Variants in LDB2 observed in about 807,000 individuals in gnomAD.
LDB2 encodes the protein LIM domain binding 2, also known as LIM domain-binding protein 2.
Under a neutral mutation model 44.3 loss-of-function variants are expected in LDB2, and 12 were observed. The ratio of observed to expected loss-of-function variants is 0.27; its 90% confidence interval spans 0.17 to 0.44. The LOEUF (loss-of-function observed/expected upper bound fraction) is 0.44. Among genes scored for constraint, LDB2 ranks in the 20% least tolerant of loss-of-function variants. The pLI is 1.00. For missense variants in LDB2, 344 were observed against 473.5 expected (o/e 0.73, Z 2.54); for synonymous variants, 164 against 174.8 (o/e 0.94, Z 0.49).
intron 1 of LDB2, among the ~76,000 whole-genome samples, chr4:16,845,033 T>C (rs1786682417): frequency 6.6e-6 from 1 of 152,200 alleles, no homozygotes; most frequent in Non-Finnish European, 1.5e-5. Flanking sequence ...CTCTGGCTCT[T>C]TAAGAGTCAA....
chr4:16,555,903 C>T (rs965307121), intron 5 of LDB2, among the ~76,000 whole-genome samples: 7 of 152,346 alleles, frequency 4.6e-5, no homozygotes, highest in Non-Finnish European at 8.8e-5. Flanking sequence ...CTCTCCCTAT[C>T]ACCCCATGCT....
chr4:16,538,208 C>A (rs917193825), intron 5 of LDB2, among the ~76,000 whole-genome samples: 3 of 152,184 alleles, frequency 2.0e-5, no homozygotes, highest in Non-Finnish European at 2.9e-5. Context: ...TGAGCCTGGA[C>A]CAAAGGCCCA....
intron 5 of LDB2, among the ~76,000 whole-genome samples, chr4:16,530,230 T>G (rs1299223858): frequency 1.3e-5 from 2 of 152,232 alleles, no homozygotes; most frequent in African/African-American, 4.8e-5. Context: ...ACTGCTGCCT[T>G]GGTGTCAGCC....
intron 2 of LDB2, among the ~76,000 whole-genome samples, chr4:16,642,341 G>T (rs80318012): frequency 0.033 from 4,952 of 152,170 alleles, 102 homozygotes; most frequent in Non-Finnish European, 0.05. Context: ...GTTAAGAAAA[G>T]GAGAGAACAT....
At chr4:16,622,188 T>C (rs1436012889) in intron 2 of LDB2, among the ~76,000 whole-genome samples, 2 of 152,194 alleles carry the variant, frequency 1.3e-5, no homozygotes, top group Non-Finnish European at 2.9e-5. Context: ...TCTGATATTC[T>C]AGATAAGTGG....
At chr4:16,892,657 G>A (rs1413115700) in intron 1 of LDB2, among the ~76,000 whole-genome samples, 1 of 152,136 alleles carries the variant, frequency 6.6e-6, no homozygotes, top group Admixed American at 6.5e-5. Context: ...GTTTGGGGTT[G>A]TTTTACGTTT....
intron 2 of LDB2, among the ~76,000 whole-genome samples, chr4:16,627,355 G>T (rs1192369296): frequency 6.6e-6 from 1 of 152,138 alleles, no homozygotes; most frequent in African/African-American, 2.4e-5. Context: ...TGAAAAAGGG[G>T]TTATAAATGT....
Position 16,837,157 on chromosome 4 carries a change from T to C in LDB2, c.132+61197A>G, listed in dbSNP as rs183238726. Among the ~76,000 whole-genome samples, 71 of 152,262 alleles carry C rather than the reference T, an allele frequency of 4.7e-4. 1 individual carries two copies. Among genetic ancestry groups the C allele is most frequent in the Middle Eastern group, 6.8e-3 (2 of 294 alleles). ...AGACATTTTGATCTTGAGCCATGAG[T>C]TTTCTCACAACACAGAATTTTTCTG... On this transcript the variant is annotated intron_variant, in intron 1 of 7. Transcript: ENST00000304523.
At chr4:16,537,672 T>TGA (rs1280312896) in intron 5 of LDB2, among the ~76,000 whole-genome samples, 1 of 152,180 alleles carries the variant, frequency 6.6e-6, no homozygotes, top group Non-Finnish European at 1.5e-5. Flanking sequence ...CTGACAATCC[T>TGA]GAGAGGAGGG....
chr4:16,674,534 G>C (rs1745744145), intron 2 of LDB2, among the ~76,000 whole-genome samples: 1 of 152,166 alleles, frequency 6.6e-6, no homozygotes. Context: ...TTTTTGAAAG[G>C]TGAGGATTAT....
chr4:16,502,502 A>AAATC lies in LDB2; in HGVS notation c.*137_*140dup, dbSNP rs1447923987. 9.3e-6 allele frequency: 11 copies of AAATC among 1,188,814 alleles called. No homozygotes were observed. In the South Asian group the frequency reaches 1.6e-4, roughly 18 times the overall value. 73.6% of individuals were successfully genotyped at this position (1,188,814 alleles called of 1,614,324 possible). A position where few individuals can be genotyped will look rare whatever the true frequency, so the allele number is the denominator to read the frequency against. The stretch of plus-strand genomic sequence containing the variant: ...ATTAGAAAAAAAGAAAGAAGAAAGA[A>AAATC]AATCAGATCATTGTGGTTTAGAAAT... On this transcript the variant is annotated 3_prime_UTR_variant, in exon 8 of 8. Coordinates refer to ENST00000304523, the MANE Select transcript of LDB2 (RefSeq NM_001290.5).
intron 1 of LDB2, among the ~76,000 whole-genome samples, chr4:16,859,863 G>C (rs1486330133): frequency 6.6e-6 from 1 of 152,180 alleles, no homozygotes; most frequent in Non-Finnish European, 1.5e-5. Context: ...GACATATATT[G>C]AACGTTTAAA....
intron 2 of LDB2, among the ~76,000 whole-genome samples, chr4:16,689,880 T>C (rs1002088856): frequency 6.6e-6 from 1 of 152,224 alleles, no homozygotes; most frequent in Non-Finnish European, 1.5e-5. Context: ...TAGAAACTTC[T>C]AAGAATAGTT....
intron 1 of LDB2, among the ~76,000 whole-genome samples, chr4:16,843,141 C>T (rs1343320739): frequency 6.6e-6 from 1 of 152,140 alleles, no homozygotes; most frequent in African/African-American, 2.4e-5. Flanking sequence ...AGCATAAACA[C>T]TTTTCTTACA....
At chr4:16,872,030 G>T (rs944644413) in intron 1 of LDB2, among the ~76,000 whole-genome samples, 2 of 151,974 alleles carry the variant, frequency 1.3e-5, no homozygotes, top group African/African-American at 4.8e-5. Flanking sequence ...TGGCTATACA[G>T]AATTTATAAT....
At chr4:16,601,556 T>C (rs970004820) in intron 2 of LDB2, among the ~76,000 whole-genome samples, 1 of 152,176 alleles carries the variant, frequency 6.6e-6, no homozygotes, top group African/African-American at 2.4e-5. Flanking sequence ...GAGAACTATA[T>C]AACCAAGCAC....
intron 2 of LDB2, 49 bp downstream of exon 2, chr4:16,759,109 T>C: frequency 7.5e-7 from 1 of 1,325,888 alleles, no homozygotes. Flanking sequence ...TGCGGTTTTC[T>C]TACAGGCACA....
rs114015066 is a variant in LDB2, at chr4:16,522,556, C to T, written c.616-10452G>A. Among the ~76,000 whole-genome samples, 438 of 152,194 alleles carry T rather than the reference C, an allele frequency of 2.9e-3. 1 individual carries two copies. The highest frequency in any genetic ancestry group is 0.01 in the African/African-American group (416 of 41,518). On this transcript the variant is annotated intron_variant, in intron 5 of 7. Coordinates refer to ENST00000304523, the MANE Select transcript of LDB2 (RefSeq NM_001290.5). ...AGTACAAAGGCTATGTGCAAATACA[C>T]GATTTTATATGGGGGATTATGGTGT...
At chr4:16,519,569 T>C (rs1238096449) in intron 5 of LDB2, among the ~76,000 whole-genome samples, 2 of 150,926 alleles carry the variant, frequency 1.3e-5, no homozygotes, top group Non-Finnish European at 3.0e-5. Flanking sequence ...AGCTAATACA[T>C]GGCAAACTTG....
Sources: allele counts gnomAD v4.1 joint callset (sites outside exome capture counted in the v4.1 genomes callset), GRCh38; gene constraint gnomAD v4.1.1; transcripts MANE v1.5; gene names NCBI Gene and HGNC (gene_info 2026-07-23, HGNC 2026-07-21).